The following TTC28 variants were observed in gnomAD, a reference collection of about 807,000 sequenced individuals.
TTC28 encodes tetratricopeptide repeat protein 28.
TTC28 carries 61 observed loss-of-function variants against 198.0 expected under a neutral mutation model. The ratio of observed to expected loss-of-function variants is 0.31; its 90% CI spans 0.25 to 0.38. The LOEUF (loss-of-function observed/expected upper bound fraction) is 0.38, where lower values mean the gene tolerates loss of function less well. Ranked by LOEUF, TTC28 falls within the 10% of genes least tolerant of loss-of-function variation. TTC28 has a pLI of 1.00. For missense variants in TTC28, 2,678 were observed against 3,164.0 expected, an observed-to-expected ratio of 0.85 and a Z score of 3.69; for synonymous variants, 1,171 against 1,297.8, an observed-to-expected ratio of 0.90 and a Z score of 2.10.
At chr22:28,639,225 G>A (rs1469286843) in intron 1 of TTC28, among the ~76,000 whole-genome samples, 3 of 151,600 alleles carry the variant, frequency 2.0e-5, no homozygotes, top group Admixed American at 6.6e-5. Context: ...AATTTTATTA[G>A]ATCCATGTAA....
At chr22:28,155,907 T>C (rs1943738473) in intron 6 of TTC28, among the ~76,000 whole-genome samples, 1 of 151,992 alleles carries the variant, frequency 6.6e-6, no homozygotes, top group African/African-American at 2.4e-5. Context: ...GGAAGAGACA[T>C]GGGAAGAAGG....
chr22:28,573,476 TAATA>T (rs1357172708), intron 2 of TTC28, among the ~76,000 whole-genome samples: 16 of 151,424 alleles, frequency 1.1e-4, no homozygotes, highest in South Asian at 2.1e-4. Flanking sequence ...ATAATAATAA[TAATA>T]AATAAATAAG....
intron 13 of TTC28, among the ~76,000 whole-genome samples, chr22:28,015,890 G>A (rs745649379): frequency 1.5e-4 from 23 of 151,580 alleles, no homozygotes; most frequent in African/African-American, 3.9e-4. Flanking sequence ...GATTGTTGCC[G>A]AAGAAAAGCA....
In TTC28 at chr22:28,295,687, CTT is replaced by C. The variant is rs199771197; in HGVS notation, c.933+509_933+510del. ...ATGTTACATCTACTGAATATTAACT[CTT>C]TGAACATATTATAGTTCATCTCTTT... On this transcript the variant is annotated intron_variant, in intron 5 of 22. Coordinates refer to ENST00000397906, the MANE Select transcript of TTC28 (RefSeq NM_001145418.2). Among the ~76,000 whole-genome samples the C allele has an allele frequency of 2.1e-3, 319 of 152,236 alleles. 7 individuals carry two copies. In the East Asian group the frequency reaches 0.051, roughly 24 times the overall value.
At chr22:28,150,376 G>A (rs1049084106) in intron 6 of TTC28, among the ~76,000 whole-genome samples, 12 of 152,088 alleles carry the variant, frequency 7.9e-5, no homozygotes, top group Non-Finnish European at 1.6e-4. Context: ...AACAACGGAG[G>A]TGATCTGAAT....
At chr22:28,296,596 A>C (rs895730067) in intron 4 of TTC28, among the ~76,000 whole-genome samples, 5 of 152,212 alleles carry the variant, frequency 3.3e-5, no homozygotes, top group Admixed American at 1.3e-4. Context: ...CAAAAGGTTA[A>C]AGACCTTAAC....
chr22:28,043,323 T>C (rs1410388798), intron 12 of TTC28, among the ~76,000 whole-genome samples: 2 of 150,730 alleles, frequency 1.3e-5, no homozygotes, highest in Admixed American at 1.3e-4. Flanking sequence ...CCATCCTTCC[T>C]GCACTGGTGA....
At chr22:28,264,987 T>C (rs1196740141) in intron 5 of TTC28, among the ~76,000 whole-genome samples, 9 of 152,252 alleles carry the variant, frequency 5.9e-5, no homozygotes, top group African/African-American at 1.9e-4. Context: ...AAAATGACAA[T>C]TTCAATATGA....
At chr22:28,531,023 A>G (rs1410678799) in intron 2 of TTC28, among the ~76,000 whole-genome samples, 1 of 152,212 alleles carries the variant, frequency 6.6e-6, no homozygotes, top group Non-Finnish European at 1.5e-5. Context: ...TAACCAGCTG[A>G]CATCATAATG....
intron 6 of TTC28, among the ~76,000 whole-genome samples, chr22:28,127,856 T>C (rs969134528): frequency 6.6e-6 from 1 of 151,166 alleles, no homozygotes; most frequent in African/African-American, 2.4e-5. Context: ...CCTCTCCAAG[T>C]AGCTGGGACT....
intron 2 of TTC28, among the ~76,000 whole-genome samples, chr22:28,598,567 C>G (rs1161899798): frequency 6.7e-6 from 1 of 148,278 alleles, no homozygotes. Context: ...GGTAAGTTAC[C>G]TGAAGATCAC....
intron 2 of TTC28, among the ~76,000 whole-genome samples, chr22:28,603,500 G>A (rs963827708): frequency 3.9e-5 from 6 of 151,904 alleles, no homozygotes; most frequent in Admixed American, 3.3e-4. Context: ...TGATCCTCTT[G>A]CCTCAGCCTC....
chr22:28,110,557 T>C (rs983129601), intron 6 of TTC28, among the ~76,000 whole-genome samples: 1 of 152,182 alleles, frequency 6.6e-6, no homozygotes, highest in African/African-American at 2.4e-5. Context: ...TCTGTATATT[T>C]TTTATGAGTA....
intron 2 of TTC28, among the ~76,000 whole-genome samples, chr22:28,537,822 T>G (rs1307507763): frequency 6.6e-6 from 1 of 152,150 alleles, no homozygotes; most frequent in Non-Finnish European, 1.5e-5. Flanking sequence ...TAGTTCTCTA[T>G]AAATACACAT....
Position 28,367,246 on chromosome 22 carries a change from C to G in TTC28, c.382-60603G>C, listed in dbSNP as rs1018535242. ...ATTGAAATAATATCAAGTATCTTCC[C>G]TGACCACAATGGAATAAAACTAGAA... On this transcript the variant is annotated intron_variant, in intron 2 of 22. Transcript: ENST00000397906. Among the ~76,000 whole-genome samples, 14 of 152,062 alleles carry G rather than the reference C, an allele frequency of 9.2e-5. No homozygotes were observed. The South Asian group carries it at 2.9e-3, about 32-fold the overall frequency.
At chr22:28,597,041 C>G (rs558244285) in intron 2 of TTC28, among the ~76,000 whole-genome samples, 1 of 152,260 alleles carries the variant, frequency 6.6e-6, no homozygotes, top group South Asian at 2.1e-4. Flanking sequence ...AATACCGAGT[C>G]ATACCATCAA....
chr22:28,161,567 T>A (rs1010429690), intron 6 of TTC28, among the ~76,000 whole-genome samples: 19 of 151,890 alleles, frequency 1.3e-4, no homozygotes, highest in Admixed American at 1.1e-3. Context: ...GGTGGGAGGA[T>A]CACTTTTGCT....
chr22:28,137,011 T>G (rs1294360008), intron 6 of TTC28, among the ~76,000 whole-genome samples: 1 of 152,174 alleles, frequency 6.6e-6, no homozygotes, highest in Non-Finnish European at 1.5e-5. Context: ...TCCAGGGCGC[T>G]GAATTAAGGG....
intron 2 of TTC28, among the ~76,000 whole-genome samples, chr22:28,460,983 C>T (rs1457028113): frequency 6.6e-6 from 1 of 152,134 alleles, no homozygotes; most frequent in South Asian, 2.1e-4. Context: ...CATACCTGGC[C>T]TCCTATGATT....
Sources: allele counts gnomAD v4.1 joint callset (sites outside exome capture counted in the v4.1 genomes callset), GRCh38; gene constraint gnomAD v4.1.1; transcripts MANE v1.5; gene names NCBI Gene and HGNC (gene_info 2026-07-23, HGNC 2026-07-21).